SRCAP: variants seen among roughly 807,000 people sequenced by gnomAD.
SRCAP encodes chromatin remodeling protein SRCAP.
SRCAP carries 46 observed loss-of-function variants against 263.1 expected under a neutral mutation model. The observed-to-expected ratio is 0.17, with a 90% CI of 0.14 to 0.22. The LOEUF (loss-of-function observed/expected upper bound fraction) is 0.22. Among genes scored for constraint, SRCAP ranks in the 10% least tolerant of loss-of-function variants. The pLI is 1.00. For missense variants in SRCAP, 3,695 were observed against 4,181.9 expected (o/e 0.88, Z 3.21); for synonymous variants, 1,813 against 1,662.1 (o/e 1.09, Z -2.21).
intron 16 of SRCAP, 67 bp from the exon 17 acceptor site, chr16:30,715,999 G>C: frequency 2.5e-6 from 4 of 1,604,028 alleles, no homozygotes; most frequent in East Asian, 2.2e-5. Context: ...AGTGTTTGCT[G>C]AGGGGCTTAG....
Position 30,724,389 on chromosome 16 carries a change from G to C in SRCAP, c.4965G>C (p.Leu1655Phe). ...CGGTACCAGCTCCAACCCCTGTGTT[G>C]GCTCCATCATCAACTCAAACTATGC... ...ASPVPAPTPV[L>F]APSSTQTMLP... The change falls in exon 25 of 34, where the codon TTG becomes TTC. Residue 1655 changes from leucine (L) to phenylalanine (F), a missense_variant. Transcript: ENST00000262518. 6.2e-7 allele frequency: 1 copy of C among 1,614,126 alleles called. No homozygotes were observed. The highest frequency in any genetic ancestry group is 8.5e-7 in the Non-Finnish European group (1 of 1,180,026).
chr16:30,739,912 C>A lies in SRCAP; in HGVS notation c.*179C>A, dbSNP rs962429511. On this transcript the variant is annotated 3_prime_UTR_variant, in exon 34 of 34. Transcript: ENST00000262518. ...AACTGGTTGTCATGGAAATGGGGAT[C>A]ATCACAGTCCCCTTCCCCTTCACCC... 62 of 996,722 alleles carry A rather than the reference C, an allele frequency of 6.2e-5. No homozygotes were observed. In the African/African-American group the frequency reaches 8.9e-4, roughly 14 times the overall value. The allele number at this position is 996,722 out of a possible 1,614,324, so 61.7% of individuals were successfully genotyped here.
intron 25 of SRCAP, among the ~76,000 whole-genome samples, chr16:30,727,718 A>G (rs1438871271): frequency 6.6e-6 from 1 of 152,094 alleles, no homozygotes; most frequent in Non-Finnish European, 1.5e-5. Context: ...CGCCCAGCTA[A>G]CTTTTTTGTA....
chr16:30,736,876 G>A (rs2053165433), intron 33 of SRCAP, among the ~76,000 whole-genome samples, 173 bp from the exon 34 acceptor site: 1 of 152,080 alleles, frequency 6.6e-6, no homozygotes, highest in African/African-American at 2.4e-5. Flanking sequence ...GTTTCACCAT[G>A]TTGGCCAGGC....
In SRCAP at chr16:30,709,950, G is replaced by A; in HGVS notation, c.956G>A (p.Arg319His). Residue 319 changes from arginine to histidine, a missense_variant, in exon 8 of 34, where the codon CGT becomes CAT. Physicochemically the swap from Arg to His is conservative, Grantham distance 29. Transcript: ENST00000262518. ...GGCAATGATGCAGAGGCCCAGAGGC[G>A]TGAGATTGAGCTGCTTCGCCGTGAG... ...QEGNDAEAQR[R>H]EIELLRREGE... The A allele has an allele frequency of 1.2e-6, 2 of 1,614,208 alleles. No individual in the cohort carries two copies. Among genetic ancestry groups the A allele is most frequent in the South Asian group, 1.1e-5 (1 of 91,088 alleles).
rs1686913518 is a variant in SRCAP, at chr16:30,712,862, A to G, written c.2130+47A>G. 3 of 1,601,330 alleles carry G rather than the reference A, an allele frequency of 1.9e-6. No homozygotes were observed. In the African/African-American group the frequency reaches 4.0e-5, roughly 22 times the overall value. On this transcript the variant is annotated intron_variant, in intron 14 of 33. Transcript: ENST00000262518. ...CTTTCCTCCCATTGATGCCTCCTTTATTTTTAAGCCCTTTCCTCAGGTGAA... is the reference window on the plus strand; with the variant it reads ...CTTTCCTCCCATTGATGCCTCCTTTGTTTTTAAGCCCTTTCCTCAGGTGAA...
chr16:30,711,827 C>T lies in SRCAP; in HGVS notation c.1493-8C>T, dbSNP rs184337406. The T allele has an allele frequency of 1.0e-3, 1,646 of 1,613,428 alleles. 1 individual carries two copies. The highest frequency in any genetic ancestry group is 1.3e-3 in the Non-Finnish European group (1,563 of 1,179,772). On this transcript the variant is annotated splice_polypyrimidine_tract_variant and splice_region_variant and intron_variant, in intron 11 of 33. Coordinates refer to ENST00000262518, the MANE Select transcript of SRCAP (RefSeq NM_006662.3). ...TGATGAGCAGTAAGCCTTGGTCTTACCCTTTAGACTCTGTGGAGGACCGGA... is the reference window on the plus strand; with the variant it reads ...TGATGAGCAGTAAGCCTTGGTCTTATCCTTTAGACTCTGTGGAGGACCGGA...
intron 4 of SRCAP, among the ~76,000 whole-genome samples, chr16:30,706,732 G>A (rs2052831918): frequency 6.6e-6 from 1 of 152,126 alleles, no homozygotes; most frequent in South Asian, 2.1e-4. Context: ...AATACTCTGA[G>A]TAAGTAGAAT....
intron 31 of SRCAP, 110 bp downstream of exon 31, chr16:30,734,725 C>A: frequency 6.6e-7 from 1 of 1,504,312 alleles, no homozygotes; most frequent in Non-Finnish European, 9.0e-7. Flanking sequence ...CTTCTGCTTC[C>A]CAGATTACAG....
At position 30,733,342 on chromosome 16, in the gene SRCAP, A is replaced by C. The variant is rs1194179518; in HGVS notation, c.6190A>C (p.Ile2064Leu). Residue 2064 changes from isoleucine (I) to leucine (L), a missense_variant, in exon 28 of 34, where the codon ATC (isoleucine) becomes CTC (leucine). Physicochemically the swap from Ile to Leu is conservative, Grantham distance 5 (BLOSUM62 2). This residue lies in a region of SRCAP where 138 missense variants were observed against 254.9 expected (regional missense o/e 0.54). Coordinates refer to ENST00000262518, the MANE Select transcript of SRCAP (RefSeq NM_006662.3). The surrounding 1 kb of genome is among the most constrained non-coding windows in gnomAD (Gnocchi z 5.3). The stretch of plus-strand genomic sequence containing the variant: ...CAAGGCAGAGGGCCACCGAGTGCTC[A>C]TCTTCACCCAGATGACCCGAATGCT... ...QLKAEGHRVL[I>L]FTQMTRMLDV... The C allele has an allele frequency of 1.9e-6, 3 of 1,614,156 alleles. No homozygotes were observed. The highest frequency in any genetic ancestry group is 2.5e-6 in the Non-Finnish European group (3 of 1,180,010).
At chr16:30,703,991 A>T in intron 3 of SRCAP, 73 bp from the exon 4 acceptor site, 1 of 1,502,992 alleles carries the variant, frequency 6.7e-7, no homozygotes, top group Non-Finnish European at 8.9e-7. Flanking sequence ...TGAAGATCGG[A>T]TGAAATAATG....
chr16:30,706,769 C>T (rs1464689582), intron 4 of SRCAP, among the ~76,000 whole-genome samples: 1 of 152,086 alleles, frequency 6.6e-6, no homozygotes, highest in Non-Finnish European at 1.5e-5. Flanking sequence ...CCCCTTGTAT[C>T]TAGAATCAAG....
At chr16:30,728,915 G>C (rs773286964) in intron 25 of SRCAP, 51 bp from the exon 26 acceptor site, 18 of 1,550,810 alleles carry the variant, frequency 1.2e-5, no homozygotes, top group Non-Finnish European at 1.5e-5. Flanking sequence ...GTCAGGTTTT[G>C]ATGTGGACTC....
In SRCAP at chr16:30,739,586, A is replaced by C; in HGVS notation, c.9546A>C (p.Glu3182Asp). ...CTGAAGCCTCAGGTGAGGAGGAGGA[A>C]GGGGATGGGACCCCACGCCGACGTC... is the stretch of plus-strand genomic sequence containing the variant. Reference protein sequence around the residue: ...SEAEASGEEEEGDGTPRRRPG... With the variant: ...SEAEASGEEEDGDGTPRRRPG... Residue 3182 changes from glutamate (E) to aspartate (D), a missense_variant, in exon 34 of 34, where the codon GAA (glutamate) becomes GAC (aspartate). By Grantham distance (45) the Glu-to-Asp change is conservative (BLOSUM62 2). Around this residue, in one of 12 missense-constraint regions of SRCAP, gnomAD observed 1,207 missense variants for 1,142.9 expected, o/e 1.06. Transcript: ENST00000262518. 1 of 1,603,320 alleles carries C rather than the reference A, an allele frequency of 6.2e-7. No homozygotes were observed. The highest frequency in any genetic ancestry group is 1.1e-5 in the South Asian group (1 of 90,090).
Position 30,733,620 on chromosome 16 carries a change from A to C in SRCAP, c.6316A>C (p.Asn2106His), listed in dbSNP as rs1362842126. 1 of 1,613,982 alleles carries C rather than the reference A, an allele frequency of 6.2e-7. No individual in the cohort carries two copies. The highest frequency in any genetic ancestry group is 2.2e-5 in the East Asian group (1 of 44,890). ...CTTCTAGGCCTTGATGGAACGGTTCAATGCAGACAAACGCATATTCTGCTT... is the reference window on the plus strand; with the variant it reads ...CTTCTAGGCCTTGATGGAACGGTTCCATGCAGACAAACGCATATTCTGCTT... ...EQRQALMERF[N>H]ADKRIFCFIL... Residue 2106 changes from asparagine (N) to histidine (H), a missense_variant, in exon 29 of 34, where the codon AAT becomes CAT. Physicochemically the swap from Asn to His is moderately conservative, Grantham distance 68. Around this residue, in one of 12 missense-constraint regions of SRCAP, gnomAD observed 138 missense variants for 254.9 expected, o/e 0.54. Coordinates refer to ENST00000262518, the MANE Select transcript of SRCAP (RefSeq NM_006662.3). This position sits in a 1 kb window ranked among gnomAD's most constrained non-coding sequence, Gnocchi z 5.3.
chr16:30,724,911 T>C lies in SRCAP; in HGVS notation c.5487T>C (p.Gly1829=). The C allele has an allele frequency of 2.5e-6, 4 of 1,614,206 alleles. No homozygotes were observed. Among genetic ancestry groups the C allele is most frequent in the Non-Finnish European group, 3.4e-6 (4 of 1,180,028 alleles). ...QASSLVVSAS[G]AAPLPVTMVS... is the part of the protein sequence containing the mutation. Reference sequence around the variant, plus strand: ...CTTCCCTTGTGGTTTCGGCATCTGGTGCCGCTCCCTTGCCTGTCACCATGG... The same window carrying C: ...CTTCCCTTGTGGTTTCGGCATCTGGCGCCGCTCCCTTGCCTGTCACCATGG... The change falls in exon 25 of 34, where the codon GGT becomes GGC. Residue 1829 remains glycine, a synonymous_variant. Transcript: ENST00000262518.
intron 25 of SRCAP, among the ~76,000 whole-genome samples, chr16:30,728,717 T>C (rs2053085411): frequency 6.6e-6 from 1 of 152,214 alleles, no homozygotes; most frequent in Non-Finnish European, 1.5e-5. Flanking sequence ...AAGATCAGTT[T>C]TCTCTAGGAG....
intron 24 of SRCAP, 131 bp from the exon 25 acceptor site, chr16:30,723,453 G>A (rs2053031134): frequency 6.7e-7 from 1 of 1,491,298 alleles, no homozygotes; most frequent in African/African-American, 1.4e-5. Context: ...TTACTTGGAT[G>A]TTTGACTTCA....
At position 30,724,769 on chromosome 16, in the gene SRCAP, C is replaced by G. The variant is rs774411658; in HGVS notation, c.5345C>G (p.Pro1782Arg). 1 of 1,613,794 alleles carries G rather than the reference C, an allele frequency of 6.2e-7. No homozygotes were observed. Among genetic ancestry groups the G allele is most frequent in the Non-Finnish European group, 8.5e-7 (1 of 1,179,850 alleles). ...TCGTCATCTGCTTCACTCCTGGCCC[C>G]AGCTTCAGTGCAGACACTGACCTTG... ...PASSSASLLA[P>R]ASVQTLTLSP... Residue 1782 changes from proline (P) to arginine (R), a missense_variant, in exon 25 of 34, where the codon CCA (proline) becomes CGA (arginine). Transcript: ENST00000262518.
Sources: allele counts gnomAD v4.1 joint callset (sites outside exome capture counted in the v4.1 genomes callset), GRCh38; gene constraint gnomAD v4.1.1; regional missense constraint gnomAD v4.1.1; non-coding constraint Gnocchi (gnomAD v3.1); transcripts MANE v1.5; gene names NCBI Gene and HGNC (gene_info 2026-07-23, HGNC 2026-07-21).